RAB3IP: variants seen among roughly 807,000 people sequenced by gnomAD.
The protein encoded by RAB3IP is RAB3A interacting protein.
Under a neutral mutation model 59.1 loss-of-function variants are expected in RAB3IP, and 36 were observed. That is an observed-to-expected ratio of 0.61 (90% confidence interval 0.47 to 0.80). The LOEUF (loss-of-function observed/expected upper bound fraction) is 0.80, where lower values mean the gene tolerates loss of function less well. Ranked by LOEUF, RAB3IP falls within the 30% of genes least tolerant of loss-of-function variation. RAB3IP has a pLI of 0.00. For missense variants in RAB3IP, 511 were observed against 536.0 expected, an observed-to-expected ratio of 0.95 and a Z score of 0.46; for synonymous variants, 207 against 191.2, an observed-to-expected ratio of 1.08 and a Z score of -0.68.
intron 8 of RAB3IP, among the ~76,000 whole-genome samples, chr12:69,804,424 A>T (rs1878906768): frequency 6.6e-6 from 1 of 151,810 alleles, no homozygotes; most frequent in Non-Finnish European, 1.5e-5. Flanking sequence ...GGTTGCAAAA[A>T]TTTTCTCCCA....
chr12:69,760,849 G>C (rs1237934375), intron 3 of RAB3IP, among the ~76,000 whole-genome samples: 1 of 152,126 alleles, frequency 6.6e-6, no homozygotes, highest in Non-Finnish European at 1.5e-5. Flanking sequence ...ACTGGCATAA[G>C]CAATGTGATT....
At chr12:69,787,158 A>G (rs1259971555) in intron 4 of RAB3IP, among the ~76,000 whole-genome samples, 2 of 152,192 alleles carry the variant, frequency 1.3e-5, no homozygotes, top group Non-Finnish European at 2.9e-5. Flanking sequence ...TCTGACATGT[A>G]TAATAGGAGT....
At position 69,795,302 on chromosome 12, in the gene RAB3IP, G is replaced by A; in HGVS notation, c.846G>A (p.Gln282=). 3 of 1,614,096 alleles carry A rather than the reference G, an allele frequency of 1.9e-6. No individual in the cohort carries two copies. Residue 282 remains glutamine, a synonymous_variant, in exon 6 of 11, where the codon CAG becomes CAA. Coordinates refer to ENST00000247833, the MANE Select transcript of RAB3IP (RefSeq NM_022456.5). ...STSSAMSGSH[Q]DLSVIQPIVK... is the part of the protein sequence containing the mutation. Reference sequence around the variant, plus strand: ...GCAGTGCTATGAGTGGCAGTCATCAGGACCTCAGTGTGATACAGCCAATTG... The same window carrying A: ...GCAGTGCTATGAGTGGCAGTCATCAAGACCTCAGTGTGATACAGCCAATTG...
At chr12:69,760,028 C>T (rs1259673359) in intron 3 of RAB3IP, among the ~76,000 whole-genome samples, 2 of 152,024 alleles carry the variant, frequency 1.3e-5, no homozygotes, top group Admixed American at 6.5e-5. Context: ...CCAAGGCAGG[C>T]GGCTGGGAGG....
chr12:69,781,605 C>T (rs895537532), intron 3 of RAB3IP, among the ~76,000 whole-genome samples: 2 of 152,204 alleles, frequency 1.3e-5, no homozygotes, highest in Admixed American at 6.5e-5. Flanking sequence ...TCCAGATTGT[C>T]ATAGAGTTGG....
At chr12:69,778,186 C>T (rs1873965783) in intron 3 of RAB3IP, among the ~76,000 whole-genome samples, 1 of 4,668 alleles carries the variant, frequency 2.1e-4, no homozygotes, top group African/African-American at 8.3e-4. Flanking sequence ...TGCTGATACC[C>T]TTTCTTCCAG....
chr12:69,810,291 G>A (rs1363790711), intron 8 of RAB3IP, among the ~76,000 whole-genome samples: 1 of 152,182 alleles, frequency 6.6e-6, no homozygotes, highest in African/African-American at 2.4e-5. Context: ...GGCAGTGTGA[G>A]GTGTCAGTCC....
chr12:69,757,071 T>G (rs1870349082), intron 3 of RAB3IP, among the ~76,000 whole-genome samples: 1 of 152,240 alleles, frequency 6.6e-6, no homozygotes, highest in South Asian at 2.1e-4. Flanking sequence ...TTGAATATTT[T>G]CTGTATCTTA....
At chr12:69,752,597 T>C (rs927869206) in intron 1 of RAB3IP, among the ~76,000 whole-genome samples, 1 of 152,174 alleles carries the variant, frequency 6.6e-6, no homozygotes, top group Non-Finnish European at 1.5e-5. Flanking sequence ...AGGTTTAATA[T>C]CATTTTGAAG....
Position 69,756,494 on chromosome 12 carries a change from C to CAG in RAB3IP, c.350_351dup (p.Phe118SerfsTer8). ...ACTACAAGAAAGGACAACTATAATGCAGAGAGAGAGTTTTTACAGGGTGCT... is the reference window on the plus strand; with the variant it reads ...ACTACAAGAAAGGACAACTATAATGCAGAGAGAGAGAGTTTTTACAGGGTGCT... On this transcript the variant is annotated frameshift_variant, in exon 3 of 11. Transcript: ENST00000247833. LOFTEE classifies it high-confidence loss of function. 3 of 1,614,048 alleles carry CAG rather than the reference C, an allele frequency of 1.9e-6. No homozygotes were observed. Among genetic ancestry groups the CAG allele is most frequent in the Non-Finnish European group, 2.5e-6 (3 of 1,179,982 alleles).
intron 1 of RAB3IP, among the ~76,000 whole-genome samples, chr12:69,747,598 A>G (rs1868539030): frequency 6.6e-6 from 1 of 152,196 alleles, no homozygotes; most frequent in South Asian, 2.1e-4. Context: ...ACTGTGCCTG[A>G]CCTGTCATCT....
At chr12:69,769,840 TA>T (rs1282686977) in intron 3 of RAB3IP, among the ~76,000 whole-genome samples, 15 of 152,240 alleles carry the variant, frequency 9.9e-5, no homozygotes, top group African/African-American at 3.1e-4. Flanking sequence ...CTGAAATCAG[TA>T]AAAGTCAAAA....
chr12:69,790,579 C>A (rs1362830339), intron 4 of RAB3IP, among the ~76,000 whole-genome samples: 3 of 151,826 alleles, frequency 2.0e-5, no homozygotes, highest in African/African-American at 7.3e-5. Context: ...ACGTTAATAG[C>A]CAAAGTAATT....
At chr12:69,762,507 C>G (rs1168944619) in intron 3 of RAB3IP, among the ~76,000 whole-genome samples, 1 of 152,020 alleles carries the variant, frequency 6.6e-6, no homozygotes, top group East Asian at 1.9e-4. Flanking sequence ...CCTGTAGTCC[C>G]AGCACTTTGG....
At chr12:69,753,398 G>C (rs1869655845) in intron 1 of RAB3IP, among the ~76,000 whole-genome samples, 1 of 152,006 alleles carries the variant, frequency 6.6e-6, no homozygotes, top group Admixed American at 6.6e-5. Context: ...ATCTCAATCT[G>C]TCGCCCAGGC....
Position 69,815,345 on chromosome 12 carries a change from C to G in RAB3IP, c.1301-19C>G, listed in dbSNP as rs755389537. On this transcript the variant is annotated intron_variant, in intron 10 of 10. Transcript: ENST00000247833. ...ATGGTATTTTATGATTTAAATATCTCTCTTTTCTGTTTGTATAGTTGATCA... is the reference window on the plus strand; with the variant it reads ...ATGGTATTTTATGATTTAAATATCTGTCTTTTCTGTTTGTATAGTTGATCA... 39 of 1,533,552 alleles carry G rather than the reference C, an allele frequency of 2.5e-5. No individual in the cohort carries two copies. The highest frequency in any genetic ancestry group is 3.4e-5 in the Non-Finnish European group (38 of 1,108,610). 95.0% of individuals were successfully genotyped at this position (1,533,552 alleles called of 1,614,324 possible). A position where few individuals can be genotyped will look rare whatever the true frequency, so the allele number is the denominator to read the frequency against.
At position 69,818,626 on chromosome 12, in the gene RAB3IP, C is replaced by T. The variant is rs1356100996; in HGVS notation, c.*3180C>T. On this transcript the variant is annotated 3_prime_UTR_variant, in exon 11 of 11. Transcript: ENST00000247833. ...AGAATGGGTGATTATTACATGGCAGCAAAATGAATGAATACCAGCTACTTG... is the reference window on the plus strand; with the variant it reads ...AGAATGGGTGATTATTACATGGCAGTAAAATGAATGAATACCAGCTACTTG... 6.6e-6 allele frequency: 1 copy of T among 151,956 alleles called. No individual in the cohort carries two copies. The highest frequency in any genetic ancestry group is 1.5e-5 in the Non-Finnish European group (1 of 67,988). The allele number at this position is 151,956 out of a possible 1,614,324, so 9.4% of individuals were successfully genotyped here.
chr12:69,770,055 G>A (rs1041390156), intron 3 of RAB3IP, among the ~76,000 whole-genome samples: 3 of 132,560 alleles, frequency 2.3e-5, no homozygotes, highest in African/African-American at 8.1e-5. Context: ...AGTTACATAT[G>A]ATAAAAGTCT....
intron 8 of RAB3IP, among the ~76,000 whole-genome samples, chr12:69,807,015 C>T (rs1204289653): frequency 6.6e-6 from 1 of 152,172 alleles, no homozygotes; most frequent in African/African-American, 2.4e-5. Context: ...ATCTCTCTTT[C>T]TTTTCCCCAC....
Sources: allele counts gnomAD v4.1 joint callset (sites outside exome capture counted in the v4.1 genomes callset), GRCh38; gene constraint gnomAD v4.1.1; transcripts MANE v1.5; gene names NCBI Gene and HGNC (gene_info 2026-07-23, HGNC 2026-07-21).